LRP2: variants seen among roughly 807,000 people sequenced by gnomAD.
LRP2 encodes the protein low-density lipoprotein receptor-related protein 2.
LRP2 carries 172 observed loss-of-function variants against 531.0 expected under a neutral mutation model. The ratio of observed to expected loss-of-function variants is 0.32; its 90% CI spans 0.29 to 0.37. LRP2 has a LOEUF of 0.37. Among genes scored for constraint, LRP2 ranks in the 10% least tolerant of loss-of-function variants. LRP2 has a pLI of 1.00. For synonymous variants in LRP2, 1,992 were observed against 2,027.6 expected, an observed-to-expected ratio of 0.98 and a Z score of 0.47; for missense variants, 5,167 against 5,868.3, an observed-to-expected ratio of 0.88 and a Z score of 3.90.
chr2:169,158,538 T>TA (rs1464899979), intron 63 of LRP2, among the ~76,000 whole-genome samples: 3 of 151,894 alleles, frequency 2.0e-5, no homozygotes, highest in African/African-American at 4.8e-5. Flanking sequence ...TGTTAAAATA[T>TA]AAAAAAATAC....
intron 28 of LRP2, 45 bp from the exon 29 acceptor site, chr2:169,236,113 T>C (rs1354583640): frequency 2.8e-5 from 37 of 1,334,072 alleles, no homozygotes; most frequent in Non-Finnish European, 3.7e-5. Context: ...CGTATTTAAA[T>C]ATTAAAAATA....
chr2:169,142,377 C>A (rs1407304173), intron 71 of LRP2, among the ~76,000 whole-genome samples: 1 of 152,140 alleles, frequency 6.6e-6, no homozygotes, highest in Non-Finnish European at 1.5e-5. Context: ...AGGTAGAGGT[C>A]TTATAAAAAC....
intron 37 of LRP2, among the ~76,000 whole-genome samples, chr2:169,209,939 T>C (rs891012439): frequency 1.3e-5 from 2 of 152,072 alleles, no homozygotes; most frequent in Non-Finnish European, 2.9e-5. Context: ...CACAGAAATA[T>C]ACAGGTCGCC....
At chr2:169,134,741 C>A (rs969075541) in intron 76 of LRP2, among the ~76,000 whole-genome samples, 3 of 152,126 alleles carry the variant, frequency 2.0e-5, no homozygotes, top group Non-Finnish European at 4.4e-5. Flanking sequence ...ATATCCTGCA[C>A]CACCATGCAA....
chr2:169,271,301 A>C (rs1683406915), intron 15 of LRP2, among the ~76,000 whole-genome samples, 194 bp from the exon 16 acceptor site: 1 of 152,114 alleles, frequency 6.6e-6, no homozygotes, highest in Non-Finnish European at 1.5e-5. Flanking sequence ...ACTATGAGGG[A>C]GATACAAGTA....
rs371476119 is a variant in LRP2, at chr2:169,191,827, T to C, written c.9032+5A>G. On this transcript the variant is annotated splice_donor_5th_base_variant and intron_variant, in intron 48 of 78. Coordinates refer to ENST00000649046, the MANE Select transcript of LRP2 (RefSeq NM_004525.3). ...TGCTGGGTAACTTCTGAATCCTCAA[T>C]TCACCTGAATATCTTTGGGATACAC... 41 of 1,613,674 alleles carry C rather than the reference T, an allele frequency of 2.5e-5. No individual in the cohort carries two copies. The highest frequency in any genetic ancestry group is 8.3e-5 in the Admixed American group (5 of 59,998).
intron 30 of LRP2, 102 bp from the exon 31 acceptor site, chr2:169,231,944 G>C: frequency 7.1e-7 from 1 of 1,414,414 alleles, no homozygotes; most frequent in Non-Finnish European, 9.8e-7. Flanking sequence ...CCCAGTACAG[G>C]GGGGCTTAAG....
intron 7 of LRP2, among the ~76,000 whole-genome samples, chr2:169,292,026 G>A (rs948180484): frequency 1.3e-5 from 2 of 152,154 alleles, no homozygotes; most frequent in African/African-American, 2.4e-5. Flanking sequence ...ATAGAAGGGA[G>A]AGGATTATAA....
chr2:169,149,599 G>A (rs1035714497), intron 68 of LRP2, among the ~76,000 whole-genome samples: 1 of 152,126 alleles, frequency 6.6e-6, no homozygotes, highest in East Asian at 1.9e-4. Context: ...CACACTGGGA[G>A]GGCGAGGCAG....
chr2:169,172,262 T>C, intron 57 of LRP2, 128 bp from the exon 58 acceptor site: 1 of 1,063,866 alleles, frequency 9.4e-7, no homozygotes, highest in South Asian at 1.3e-5. Flanking sequence ...AAGAGAGGAA[T>C]GCCAGCAACA....
In LRP2 at chr2:169,202,889, G is replaced by T; in HGVS notation, c.8076C>A (p.Cys2692Ter). The T allele has an allele frequency of 2.5e-6, 4 of 1,614,198 alleles. No homozygotes were observed. The highest frequency in any genetic ancestry group is 3.4e-6 in the Non-Finnish European group (4 of 1,180,036). ...NWYLANNRKH[C>*]IVDNGERCGA... ...CACATCGTTCACCATTGTCCACAAT[G>T]CAGTGCTTCCTGTTGTTGGCCAAAT... Residue 2692 changes from cysteine (C) to a stop codon, truncating the protein, a stop_gained, in exon 43 of 79, where the codon TGC becomes TGA. Transcript: ENST00000649046. LOFTEE classifies it high-confidence loss of function.
chr2:169,165,896 C>T (rs763608554), intron 62 of LRP2, 36 bp downstream of exon 62: 1 of 1,613,058 alleles, frequency 6.2e-7, no homozygotes, highest in Non-Finnish European at 8.5e-7. Context: ...ACTTGGGGTC[C>T]TTCCTTTTTC....
chr2:169,272,772 A>C (rs943380527), intron 15 of LRP2, among the ~76,000 whole-genome samples, 155 bp downstream of exon 15: 3 of 152,194 alleles, frequency 2.0e-5, no homozygotes, highest in Admixed American at 1.3e-4. Context: ...GTGCCTACCA[A>C]GGAAGATGCC....
At position 169,263,779 on chromosome 2, in the gene LRP2, A is replaced by C. The variant is rs566306587; in HGVS notation, c.2321-4562T>G. 4.6e-5 allele frequency among the ~76,000 whole-genome samples: 7 copies of C among 152,276 alleles called. No individual in the cohort carries two copies. In the South Asian group the frequency reaches 1.4e-3, roughly 32 times the overall value. Reference sequence around the variant, plus strand: ...CCAGAGGACTATAAATCATGCTGCTATAAAGACACATGCACACGTATGTTT... The same window carrying C: ...CCAGAGGACTATAAATCATGCTGCTCTAAAGACACATGCACACGTATGTTT... On this transcript the variant is annotated intron_variant, in intron 16 of 78. Coordinates refer to ENST00000649046, the MANE Select transcript of LRP2 (RefSeq NM_004525.3).
intron 9 of LRP2, among the ~76,000 whole-genome samples, chr2:169,286,318 C>T (rs1314495800): frequency 1.3e-5 from 2 of 152,100 alleles, no homozygotes; most frequent in Admixed American, 6.5e-5. Flanking sequence ...TACTAAAGTC[C>T]CAGAAACGCG....
At chr2:169,257,489 C>T (rs1486535198) in intron 17 of LRP2, among the ~76,000 whole-genome samples, 1 of 152,124 alleles carries the variant, frequency 6.6e-6, no homozygotes, top group Non-Finnish European at 1.5e-5. Context: ...AAGAGAACCA[C>T]TGTCTCAGAG....
intron 58 of LRP2, 60 bp downstream of exon 58, chr2:169,171,955 C>T: frequency 6.2e-7 from 1 of 1,609,598 alleles, no homozygotes; most frequent in South Asian, 1.1e-5. Context: ...GAATTATGGA[C>T]AAAAAGCAAA....
At chr2:169,347,834 T>C (rs982851587) in intron 1 of LRP2, among the ~76,000 whole-genome samples, 12 of 152,132 alleles carry the variant, frequency 7.9e-5, no homozygotes, top group African/African-American at 2.9e-4. Flanking sequence ...AATGAATGAA[T>C]GAATGAATGA....
Position 169,247,385 on chromosome 2 carries a change from G to A in LRP2, c.2901C>T (p.Ile967=), listed in dbSNP as rs763765208. 3.7e-6 allele frequency: 6 copies of A among 1,614,104 alleles called. No individual in the cohort carries two copies. The East Asian group carries it at 8.9e-5, about 24-fold the overall frequency. Residue 967 remains isoleucine (I), a synonymous_variant, in exon 20 of 79, where the codon ATC becomes ATT. Coordinates refer to ENST00000649046, the MANE Select transcript of LRP2 (RefSeq NM_004525.3). Reference sequence around the variant, plus strand: ...CTGGGCAATCTCACTCACCAGTCTGGATGTTGACATCATACGATTTCAAAT... The same window carrying A: ...CTGGGCAATCTCACTCACCAGTCTGAATGTTGACATCATACGATTTCAAAT... ...ILHLKSYDVN[I]QTGSNACNQP...
Sources: gnomAD v4.1 joint callset for allele counts (sites outside exome capture counted in the v4.1 genomes callset) on GRCh38, gnomAD v4.1.1 for gene constraint, MANE v1.5 for transcripts, NCBI Gene and HGNC (gene_info 2026-07-23, HGNC 2026-07-21) for gene names.